ARHGAP10: variants seen among roughly 807,000 people sequenced by gnomAD.
ARHGAP10 encodes the protein rho GTPase-activating protein 10.
ARHGAP10 carries 87 observed loss-of-function variants against 108.6 expected under a neutral mutation model. The observed-to-expected ratio is 0.80, with a 90% confidence interval of 0.67 to 0.96. ARHGAP10 has a LOEUF of 0.96. ARHGAP10 is among the 40% of genes least tolerant of loss of function. The pLI is 0.00. For missense variants in ARHGAP10, 939 were observed against 954.5 expected, an observed-to-expected ratio of 0.98 and a Z score of 0.21; for synonymous variants, 347 against 341.1, an observed-to-expected ratio of 1.02 and a Z score of -0.19.
rs1008468436 is a variant in ARHGAP10 at position 147,957,819 on chromosome 4, T to A, written c.1450+2445T>A. On this transcript the variant is annotated intron_variant, in intron 16 of 22. Coordinates refer to ENST00000336498, the MANE Select transcript of ARHGAP10 (RefSeq NM_024605.4). Reference sequence around the variant, plus strand: ...AGGGTTCATGATACAAATATAAATTTCATTTCTATTTTGTCACCACAAAAG... The same window carrying A: ...AGGGTTCATGATACAAATATAAATTACATTTCTATTTTGTCACCACAAAAG... 2.6e-5 allele frequency among the ~76,000 whole-genome samples: 4 copies of A among 152,320 alleles called. No homozygotes were observed. The East Asian group carries it at 7.7e-4, about 29-fold the overall frequency.
chr4:147,800,681 T>G (rs1186586978), intron 1 of ARHGAP10, among the ~76,000 whole-genome samples: 1 of 152,188 alleles, frequency 6.6e-6, no homozygotes, highest in Non-Finnish European at 1.5e-5. Flanking sequence ...CTGGTTTGTT[T>G]TCTTCTTACC....
intron 18 of ARHGAP10, among the ~76,000 whole-genome samples, chr4:148,022,715 GT>G (rs1221004434): frequency 1.3e-5 from 2 of 152,154 alleles, no homozygotes; most frequent in African/African-American, 4.8e-5. Flanking sequence ...GGGTTAGAGG[GT>G]ATTAAATGAA....
chr4:147,875,131 C>G lies in ARHGAP10; in HGVS notation c.813C>G (p.Tyr271Ter). 1 of 1,581,766 alleles carries G rather than the reference C, an allele frequency of 6.3e-7. No individual in the cohort carries two copies. Among genetic ancestry groups the G allele is most frequent in the Non-Finnish European group, 8.5e-7 (1 of 1,170,848 alleles). The change falls in exon 8 of 23, where the codon TAC becomes TAG. Residue 271 changes from tyrosine (Y) to a stop codon, truncating the protein, a stop_gained. Transcript: ENST00000336498. LOFTEE classifies it high-confidence loss of function. Reference sequence around the variant, plus strand: ...CAAGTCAGTTTACAGCCGAAGGCTACCTGTATGTCCAGGAAAAAAGTAAGA... The same window carrying G: ...CAAGTCAGTTTACAGCCGAAGGCTAGCTGTATGTCCAGGAAAAAAGTAAGA... ...KRASQFTAEG[Y>*]LYVQEKRPAP...
At chr4:147,947,113 C>G (rs1470618770) in intron 15 of ARHGAP10, among the ~76,000 whole-genome samples, 3 of 151,690 alleles carry the variant, frequency 2.0e-5, no homozygotes, top group Non-Finnish European at 4.4e-5. Flanking sequence ...CAATGCAAAG[C>G]TCTTTGAAAA....
chr4:147,940,894 A>T (rs1002507924), intron 14 of ARHGAP10, among the ~76,000 whole-genome samples: 14 of 152,232 alleles, frequency 9.2e-5, no homozygotes, highest in African/African-American at 3.4e-4. Flanking sequence ...ATTGCCCGTC[A>T]TCAGTTGGAG....
chr4:147,814,950 C>T (rs1732179425), intron 1 of ARHGAP10, among the ~76,000 whole-genome samples: 3 of 152,116 alleles, frequency 2.0e-5, no homozygotes, highest in Admixed American at 1.3e-4. Context: ...AGAGGAACCA[C>T]CACCCTACTA....
chr4:148,061,453 G>C (rs989427720), intron 20 of ARHGAP10, among the ~76,000 whole-genome samples: 3 of 151,198 alleles, frequency 2.0e-5, no homozygotes, highest in Non-Finnish European at 4.4e-5. Flanking sequence ...AACATTCAGC[G>C]TTCCTTTTCT....
At chr4:148,065,473 A>G (rs1729823308) in intron 22 of ARHGAP10, 1 of 152,224 alleles carries the variant, frequency 6.6e-6, no homozygotes, top group South Asian at 2.1e-4. Flanking sequence ...ACAAACAACA[A>G]CAACAAAACC....
rs71250029 is a variant in ARHGAP10 at position 147,837,650 on chromosome 4, T to TTTTTTTTTTTTTTTTTTTTG, written c.313-9489_313-9488insTTTTTTTGTTTTTTTTTTTT. On this transcript the variant is annotated intron_variant, in intron 3 of 22. Transcript: ENST00000336498. ...CTAGAATCTCTGGTCACTGTTTTTT[T>TTTTTTTTTTTTTTTTTTTTG]TTTTTTTTTTTTAAAGCAGTAGCTT... Among the ~76,000 whole-genome samples the TTTTTTTTTTTTTTTTTTTTG allele has an allele frequency of 9.1e-4, 102 of 112,066 alleles. 7 individuals carry two copies. Among genetic ancestry groups the TTTTTTTTTTTTTTTTTTTTG allele is most frequent in the South Asian group, 2.5e-3 (7 of 2,786 alleles). The allele number at this position is 112,066 out of a possible 152,430, so 73.5% of individuals were successfully genotyped here.
At chr4:148,021,919 G>T (rs902118177) in intron 18 of ARHGAP10, among the ~76,000 whole-genome samples, 3 of 152,152 alleles carry the variant, frequency 2.0e-5, no homozygotes, top group Admixed American at 6.5e-5. Flanking sequence ...TTACACATGA[G>T]GGGGCAGTAT....
At chr4:148,047,133 T>C in intron 20 of ARHGAP10, 82 bp downstream of exon 20, 1 of 1,514,820 alleles carries the variant, frequency 6.6e-7, no homozygotes, top group Non-Finnish European at 8.9e-7. Context: ...AGCAGTGACC[T>C]GTGGGTGCTG....
At chr4:148,002,056 G>T (rs1435974272) in intron 18 of ARHGAP10, among the ~76,000 whole-genome samples, 1 of 152,118 alleles carries the variant, frequency 6.6e-6, no homozygotes, top group African/African-American at 2.4e-5. Flanking sequence ...GGGTTTATCA[G>T]AAATAGATCT....
At chr4:147,979,814 T>G (rs568868251) in intron 18 of ARHGAP10, among the ~76,000 whole-genome samples, 1 of 152,312 alleles carries the variant, frequency 6.6e-6, no homozygotes, top group Non-Finnish European at 1.5e-5. Flanking sequence ...TGGGATTGCA[T>G]TCTTGATTTA....
Position 148,063,185 on chromosome 4 carries a change from A to C in ARHGAP10, c.2065A>C (p.Asn689His). ...QTRSSMVQWLNPQSPTTTSSN... is the reference protein window; with the variant it reads ...QTRSSMVQWLHPQSPTTTSSN... ...CCGATCGTCTATGGTCCAGTGGCTT[A>C]ACCCACAGTCTCCAACCACAACAAG... The change falls in exon 21 of 23, where the codon AAC (asparagine) becomes CAC (histidine). Residue 689 changes from asparagine (N) to histidine (H), a missense_variant. Physicochemically the swap from Asn to His is moderately conservative, Grantham distance 68. Transcript: ENST00000336498. 1 of 1,614,184 alleles carries C rather than the reference A, an allele frequency of 6.2e-7. No homozygotes were observed. The highest frequency in any genetic ancestry group is 2.2e-5 in the East Asian group (1 of 44,882).
At chr4:147,961,379 T>C (rs2126991672) in intron 16 of ARHGAP10, among the ~76,000 whole-genome samples, 1 of 152,328 alleles carries the variant, frequency 6.6e-6, no homozygotes, top group Non-Finnish European at 1.5e-5. Flanking sequence ...CCCTTTTGTC[T>C]GTTGGATTGT....
chr4:148,030,046 C>T (rs767478156), intron 19 of ARHGAP10, among the ~76,000 whole-genome samples: 21 of 149,234 alleles, frequency 1.4e-4, no homozygotes, highest in Non-Finnish European at 2.2e-4. Context: ...GCAACTTCTT[C>T]TATTGCTTCC....
Position 147,945,290 on chromosome 4 carries a change from C to CTT in ARHGAP10, c.1304-1318_1304-1317dup, listed in dbSNP as rs540909832. On this transcript the variant is annotated intron_variant, in intron 14 of 22. Transcript: ENST00000336498. ...CACAATTTACTAACTCTCCCATCTC[C>CTT]TTTTTTTTTTCCTGGTGCCATATAC... Among the ~76,000 whole-genome samples the CTT allele has an allele frequency of 5.5e-4, 82 of 149,370 alleles. No homozygotes were observed. The Middle Eastern group carries it at 0.024, about 44-fold the overall frequency.
intron 9 of ARHGAP10, among the ~76,000 whole-genome samples, chr4:147,881,119 C>A (rs1020446349): frequency 2.0e-5 from 3 of 151,544 alleles, no homozygotes; most frequent in African/African-American, 7.3e-5. Context: ...ACTAAAAATA[C>A]AAAAATTAGC....
In ARHGAP10 at chr4:147,951,008, A is replaced by G. The variant is rs547900314; in HGVS notation, c.1391+4304A>G. ...TGGCAAAGAGAGGTGGCTCAAAAAC[A>G]TGTCGGGTGGGAGGCTGAGAGTTGC... On this transcript the variant is annotated intron_variant, in intron 15 of 22. Transcript: ENST00000336498. 5.3e-5 allele frequency among the ~76,000 whole-genome samples: 8 copies of G among 152,280 alleles called. 1 individual carries two copies. The highest frequency in any genetic ancestry group is 1.4e-4 in the African/African-American group (6 of 41,550).
Sources: allele counts gnomAD v4.1 joint callset (sites outside exome capture counted in the v4.1 genomes callset), GRCh38; gene constraint gnomAD v4.1.1; transcripts MANE v1.5; gene names NCBI Gene and HGNC (gene_info 2026-07-23, HGNC 2026-07-21).